CNTNAP2: variants seen among roughly 807,000 people sequenced by gnomAD.
CNTNAP2 encodes the protein contactin associated protein 2.
CNTNAP2 carries 98 observed loss-of-function variants against 155.2 expected under a neutral mutation model. The observed-to-expected ratio is 0.63, with a 90% CI of 0.54 to 0.75. CNTNAP2 has a LOEUF of 0.75. Among genes scored for constraint, CNTNAP2 ranks in the 30% least tolerant of loss-of-function variants. CNTNAP2 has a pLI of 0.00. For synonymous variants in CNTNAP2, 651 were observed against 631.2 expected, an observed-to-expected ratio of 1.03 and a Z score of -0.47; for missense variants, 1,727 against 1,688.1, an observed-to-expected ratio of 1.02 and a Z score of -0.40.
chr7:148,118,242 T>G lies in CNTNAP2; in HGVS notation c.2508T>G (p.Phe836Leu). The G allele has an allele frequency of 1.2e-6, 2 of 1,614,184 alleles. No individual in the cohort carries two copies. The highest frequency in any genetic ancestry group is 1.7e-6 in the Non-Finnish European group (2 of 1,180,034). The change falls in exon 16 of 24, where the codon TTT becomes TTG. Residue 836 changes from phenylalanine to leucine, a missense_variant. Coordinates refer to ENST00000361727, the MANE Select transcript of CNTNAP2 (RefSeq NM_014141.6). ...AAACATTAACCCCCTGGGGAGTGTTTCTTGAAAATATGGGAAAGGAAGATT... is the reference window on the plus strand; with the variant it reads ...AAACATTAACCCCCTGGGGAGTGTTGCTTGAAAATATGGGAAAGGAAGATT... Reference protein sequence around the residue: ...YFKTLTPWGVFLENMGKEDFI... With the variant: ...YFKTLTPWGVLLENMGKEDFI...
At chr7:146,375,710 C>T (rs1183277030) in intron 1 of CNTNAP2, among the ~76,000 whole-genome samples, 2 of 152,220 alleles carry the variant, frequency 1.3e-5, no homozygotes, top group East Asian at 1.9e-4. Context: ...AATATTTTTC[C>T]CATTTAAGTC....
intron 1 of CNTNAP2, among the ~76,000 whole-genome samples, chr7:146,531,736 G>T (rs1797773226): frequency 6.6e-6 from 1 of 151,996 alleles, no homozygotes; most frequent in Admixed American, 6.6e-5. Flanking sequence ...GTAGAGACAG[G>T]TTTTCACCAT....
In CNTNAP2 at chr7:148,162,324, G is replaced by T. The variant is rs140737184; in HGVS notation, c.2774-9918G>T. Among the ~76,000 whole-genome samples, 6 of 152,276 alleles carry T rather than the reference G, an allele frequency of 3.9e-5. No homozygotes were observed. The East Asian group carries it at 1.2e-3, about 29-fold the overall frequency. On this transcript the variant is annotated intron_variant, in intron 17 of 23. Transcript: ENST00000361727. ...TTCTAGGCTGATATATTTGACATCT[G>T]GGTTTATTAAAGTTTACTAAAATAG...
chr7:147,203,161 C>G (rs1802955271), intron 8 of CNTNAP2, among the ~76,000 whole-genome samples: 1 of 152,092 alleles, frequency 6.6e-6, no homozygotes, highest in African/African-American at 2.4e-5. Context: ...TACATTGACA[C>G]AAAAAGTTAT....
chr7:148,267,196 A>G (rs1440406764), intron 21 of CNTNAP2, 70 bp downstream of exon 21: 141 of 1,343,010 alleles, frequency 1.0e-4, no homozygotes, highest in Non-Finnish European at 1.4e-4. Context: ...TTTGGATTTT[A>G]AAACTATCAG....
intron 3 of CNTNAP2, among the ~76,000 whole-genome samples, chr7:146,986,479 C>G (rs946243476): frequency 2.6e-5 from 4 of 152,220 alleles, no homozygotes; most frequent in African/African-American, 9.6e-5. Context: ...GTGCAAGTAT[C>G]TTTTTCATTT....
At chr7:146,273,150 C>G (rs754956924) in intron 1 of CNTNAP2, among the ~76,000 whole-genome samples, 5 of 149,082 alleles carry the variant, frequency 3.4e-5, no homozygotes, top group Non-Finnish European at 7.4e-5. Context: ...GAAAATTTAA[C>G]CAGAGGCAAA....
chr7:147,126,376 G>A (rs924143204), intron 6 of CNTNAP2, among the ~76,000 whole-genome samples: 12 of 152,056 alleles, frequency 7.9e-5, no homozygotes, highest in South Asian at 2.1e-4. Flanking sequence ...AATATTAATC[G>A]GACAACTGCA....
At chr7:147,244,556 G>T (rs185805540) in intron 8 of CNTNAP2, among the ~76,000 whole-genome samples, 408 of 152,274 alleles carry the variant, frequency 2.7e-3, no homozygotes, top group African/African-American at 9.2e-3. Context: ...CCAGGCACCA[G>T]TTTAGGTCCT....
chr7:146,532,023 A>C (rs1797777887), intron 1 of CNTNAP2, among the ~76,000 whole-genome samples: 1 of 152,192 alleles, frequency 6.6e-6, no homozygotes, highest in Non-Finnish European at 1.5e-5. Flanking sequence ...TAAAAAAAGA[A>C]AAATAAAAAT....
In CNTNAP2 at chr7:147,169,615, T is replaced by TAAGG. The variant is rs575494451; in HGVS notation, c.1348+37112_1348+37115dup. On this transcript the variant is annotated intron_variant, in intron 8 of 23. Transcript: ENST00000361727. Reference sequence around the variant, plus strand: ...ATTTCTGTAAAGGACACAATTTCATTAAGGAAGGAGGGAAGGAAGGAAGGA... The same window carrying TAAGG: ...ATTTCTGTAAAGGACACAATTTCATTAAGGAAGGAAGGAGGGAAGGAAGGAAGGA... Among the ~76,000 whole-genome samples, 11 of 139,020 alleles carry TAAGG rather than the reference T, an allele frequency of 7.9e-5. No individual in the cohort carries two copies. In the South Asian group the frequency reaches 2.4e-3, roughly 30 times the overall value. The allele number at this position is 139,020 out of a possible 152,430, so 91.2% of individuals were successfully genotyped here.
At chr7:148,367,225 G>A (rs1278322742) in intron 21 of CNTNAP2, among the ~76,000 whole-genome samples, 1 of 149,812 alleles carries the variant, frequency 6.7e-6, no homozygotes, top group African/African-American at 2.5e-5. Context: ...ACAAGACTCT[G>A]TCTCAAAAAA....
chr7:148,187,799 A>G (rs763460661), intron 18 of CNTNAP2, among the ~76,000 whole-genome samples: 3 of 152,174 alleles, frequency 2.0e-5, no homozygotes, highest in South Asian at 4.1e-4. Flanking sequence ...ACACAAATAA[A>G]ATATTTATCC....
intron 9 of CNTNAP2, among the ~76,000 whole-genome samples, chr7:147,306,690 G>C (rs1303725790): frequency 6.6e-6 from 1 of 152,176 alleles, no homozygotes; most frequent in Admixed American, 6.5e-5. Context: ...AGAACACCCA[G>C]CTAAGACTTG....
chr7:147,579,072 T>C (rs1341888691), intron 12 of CNTNAP2, among the ~76,000 whole-genome samples: 2 of 152,114 alleles, frequency 1.3e-5, no homozygotes, highest in Non-Finnish European at 2.9e-5. Flanking sequence ...AAATTCTTAA[T>C]TGACGTGGTT....
At chr7:147,070,465 T>G (rs1799869416) in intron 4 of CNTNAP2, among the ~76,000 whole-genome samples, 1 of 152,158 alleles carries the variant, frequency 6.6e-6, no homozygotes, top group South Asian at 2.1e-4. Flanking sequence ...GAACGGATAT[T>G]CGGGGAATTC....
intron 10 of CNTNAP2, among the ~76,000 whole-genome samples, chr7:147,396,289 G>C (rs1744521528): frequency 6.6e-6 from 1 of 151,624 alleles, no homozygotes; most frequent in Non-Finnish European, 1.5e-5. Flanking sequence ...AGCAACAGCA[G>C]TGTGGCAGAG....
At chr7:147,461,088 T>C (rs1798014750) in intron 10 of CNTNAP2, among the ~76,000 whole-genome samples, 1 of 152,176 alleles carries the variant, frequency 6.6e-6, no homozygotes, top group Admixed American at 6.5e-5. Context: ...CTTTTTAATA[T>C]ATAATATGCA....
At chr7:146,439,072 T>TAA in intron 1 of CNTNAP2, among the ~76,000 whole-genome samples, 1 of 151,384 alleles carries the variant, frequency 6.6e-6, no homozygotes, top group South Asian at 2.1e-4. Context: ...TATTTATTAC[T>TAA]AAAAAAAAGT....
Sources: gnomAD v4.1 joint callset for allele counts (sites outside exome capture counted in the v4.1 genomes callset) on GRCh38, gnomAD v4.1.1 for gene constraint, MANE v1.5 for transcripts, NCBI Gene and HGNC (gene_info 2026-07-23, HGNC 2026-07-21) for gene names.